Variants in COL4A3 observed in about 807,000 individuals in gnomAD.
COL4A3 encodes the protein collagen alpha-3(IV) chain.
In COL4A3, 135 loss-of-function variants were observed where a neutral mutation model predicts 217.4. The ratio of observed to expected loss-of-function variants is 0.62; its 90% CI spans 0.54 to 0.72. The LOEUF (loss-of-function observed/expected upper bound fraction) is 0.72. Among genes scored for constraint, COL4A3 ranks in the 30% least tolerant of loss-of-function variants. COL4A3 has a pLI of 0.00. For missense variants in COL4A3, 1,868 were observed against 2,119.9 expected (o/e 0.88, Z 2.33); for synonymous variants, 690 against 736.3 (o/e 0.94, Z 1.02).
intron 1 of COL4A3, among the ~76,000 whole-genome samples, chr2:227,170,621 T>C (rs1433855299): frequency 6.6e-6 from 1 of 151,962 alleles, no homozygotes; most frequent in Admixed American, 6.6e-5. Flanking sequence ...ATAGGAATTA[T>C]GGGAGCTACA....
intron 51 of COL4A3, among the ~76,000 whole-genome samples, chr2:227,311,380 C>CTTTT (rs11286889): frequency 8.5e-5 from 12 of 141,734 alleles, no homozygotes; most frequent in Non-Finnish European, 1.2e-4. Context: ...AATTTCTCTC[C>CTTTT]TTTTTTTTTT....
At position 227,253,974 on chromosome 2, in the gene COL4A3, A is replaced by T. The variant is rs923489088; in HGVS notation, c.766-138A>T. The T allele has an allele frequency of 2.4e-6, 2 of 816,852 alleles. No homozygotes were observed. The highest frequency in any genetic ancestry group is 3.4e-5 in the African/African-American group (2 of 59,320). The allele number at this position is 816,852 out of a possible 1,614,324, so 50.6% of individuals were successfully genotyped here. A position where few individuals can be genotyped will look rare whatever the true frequency, so the allele number is the denominator to read the frequency against. ...TTGAAATGTGAGAAATGGAAGGTGT[A>T]TTGGGTTGTGTTAACACGAGGCACA... On this transcript the variant is annotated intron_variant, in intron 13 of 51. Coordinates refer to ENST00000396578, the MANE Select transcript of COL4A3 (RefSeq NM_000091.5). This position sits in a 1 kb window ranked among gnomAD's most constrained non-coding sequence, Gnocchi z 4.4.
Position 227,312,213 on chromosome 2 carries a change from C to A in COL4A3, c.*343C>A. ...TATGAAATATTTGGCCCGCTGGATT[C>A]CCACATTTGTCTTCTTTCTGTCTTT... is the stretch of plus-strand genomic sequence containing the variant. On this transcript the variant is annotated 3_prime_UTR_variant, in exon 52 of 52. Coordinates refer to ENST00000396578, the MANE Select transcript of COL4A3 (RefSeq NM_000091.5). 1 of 287,552 alleles carries A rather than the reference C, an allele frequency of 3.5e-6. No homozygotes were observed. The highest frequency in any genetic ancestry group is 3.4e-5 in the South Asian group (1 of 29,624). The allele number at this position is 287,552 out of a possible 1,614,324, so 17.8% of individuals were successfully genotyped here.
chr2:227,207,620 T>A (rs112103000), intron 1 of COL4A3, among the ~76,000 whole-genome samples: 17,887 of 152,166 alleles, frequency 0.12, 1,199 homozygotes, highest in Non-Finnish European at 0.16. Flanking sequence ...GGGGCAGAAG[T>A]GACTAGTTAG....
At chr2:227,299,992 A>G (rs566655027) in intron 43 of COL4A3, among the ~76,000 whole-genome samples, 1 of 152,310 alleles carries the variant, frequency 6.6e-6, no homozygotes, top group South Asian at 2.1e-4. Context: ...AATGCCTGCC[A>G]ATGTTTCTAA....
intron 7 of COL4A3, 65 bp from the exon 8 acceptor site, chr2:227,247,493 C>T: frequency 6.7e-7 from 1 of 1,485,848 alleles, no homozygotes; most frequent in Non-Finnish European, 9.4e-7. Context: ...GAGGGCAGAG[C>T]AGACCGAGTA....
rs572434911 is a variant in COL4A3, at chr2:227,191,032, T to A, written c.87+26219T>A. On this transcript the variant is annotated intron_variant, in intron 1 of 51. Coordinates refer to ENST00000396578, the MANE Select transcript of COL4A3 (RefSeq NM_000091.5). This position sits in a 1 kb window ranked among gnomAD's most constrained non-coding sequence, Gnocchi z 6.8. The stretch of plus-strand genomic sequence containing the variant: ...CACTTCTATTATGTATAGAATTTTT[T>A]AAAAAATAGATGCAAAGGTTATTAT... Among the ~76,000 whole-genome samples, 80 of 152,302 alleles carry A rather than the reference T, an allele frequency of 5.3e-4. No individual in the cohort carries two copies. Among genetic ancestry groups the A allele is most frequent in the African/African-American group, 1.8e-3 (76 of 41,552 alleles).
At chr2:227,280,332 A>G (rs1207182350) in intron 29 of COL4A3, 108 bp from the exon 30 acceptor site, 4 of 1,235,838 alleles carry the variant, frequency 3.2e-6, no homozygotes, top group Non-Finnish European at 4.7e-6. Context: ...AAAGTTGATG[A>G]CATGGTAGTG....
chr2:227,179,698 C>A (rs1413506638), intron 1 of COL4A3, among the ~76,000 whole-genome samples: 1 of 152,166 alleles, frequency 6.6e-6, no homozygotes, highest in African/African-American at 2.4e-5. Flanking sequence ...CCATATCTTA[C>A]TATGTGAGGG....
chr2:227,168,049 A>G (rs115615043), intron 1 of COL4A3, among the ~76,000 whole-genome samples: 121 of 152,360 alleles, frequency 7.9e-4, no homozygotes, highest in Non-Finnish European at 1.5e-3. Flanking sequence ...TGGTACATAT[A>G]GATATGATGT....
intron 1 of COL4A3, among the ~76,000 whole-genome samples, chr2:227,167,165 C>G (rs926754762): frequency 6.6e-6 from 1 of 152,130 alleles, no homozygotes; most frequent in Non-Finnish European, 1.5e-5. Context: ...AACTTTGGAG[C>G]CATTATATTT....
chr2:227,225,746 C>T (rs1229522881), intron 1 of COL4A3, among the ~76,000 whole-genome samples: 2 of 143,224 alleles, frequency 1.4e-5, no homozygotes, highest in African/African-American at 2.6e-5. Flanking sequence ...AGATCTCACC[C>T]TGTCTCCCAG....
Position 227,312,867 on chromosome 2 carries a change from T to C in COL4A3, c.*997T>C, listed in dbSNP as rs990214773. 6.6e-6 allele frequency: 1 copy of C among 152,506 alleles called. No individual in the cohort carries two copies. The highest frequency in any genetic ancestry group is 6.6e-5 in the Admixed American group (1 of 15,266). 9.4% of individuals were successfully genotyped at this position (152,506 alleles called of 1,614,324 possible). ...ATCTATTTTCTCATTGCTCTGAATA[T>C]GTCATCACTCTAGGTTTTACAGATT... On this transcript the variant is annotated 3_prime_UTR_variant, in exon 52 of 52. Transcript: ENST00000396578.
intron 3 of COL4A3, among the ~76,000 whole-genome samples, chr2:227,241,939 C>T (rs1486071755): frequency 6.6e-6 from 1 of 152,124 alleles, no homozygotes; most frequent in Non-Finnish European, 1.5e-5. Flanking sequence ...TCCTGGGTCA[C>T]GCAGCTCACA....
At chr2:227,246,155 A>C (rs1255037008) in intron 6 of COL4A3, 139 bp downstream of exon 6, 2 of 728,016 alleles carry the variant, frequency 2.7e-6, no homozygotes, top group Non-Finnish European at 4.9e-6. Flanking sequence ...ATTTGGAGGC[A>C]GGAAACTTCC....
chr2:227,176,323 C>T (rs981037744), intron 1 of COL4A3, among the ~76,000 whole-genome samples: 2 of 152,076 alleles, frequency 1.3e-5, no homozygotes, highest in African/African-American at 4.8e-5. Flanking sequence ...TTCCACATAC[C>T]AGCGTCGGTA....
chr2:227,308,784 G>A, intron 48 of COL4A3, 115 bp from the exon 49 acceptor site: 1 of 1,102,170 alleles, frequency 9.1e-7, no homozygotes, highest in Non-Finnish European at 1.4e-6. Context: ...ACTCTTTTGT[G>A]TTGTCTTTGT....
intron 1 of COL4A3, among the ~76,000 whole-genome samples, chr2:227,233,390 A>G (rs1020700429): frequency 6.6e-6 from 1 of 152,158 alleles, no homozygotes; most frequent in Non-Finnish European, 1.5e-5. Context: ...GGTGTGATTT[A>G]GCAGGAATGA....
rs1274614417 is a variant in COL4A3, at chr2:227,269,891, A to G, written c.1505-19A>G. The stretch of plus-strand genomic sequence containing the variant: ...TTGGCGTTCAATGAGGAGTTAGTTA[A>G]TAATTCGTTGATTTGCAGGAAGACA... On this transcript the variant is annotated intron_variant, in intron 23 of 51. Coordinates refer to ENST00000396578, the MANE Select transcript of COL4A3 (RefSeq NM_000091.5). The G allele has an allele frequency of 6.2e-7, 1 of 1,612,244 alleles. No individual in the cohort carries two copies. Among genetic ancestry groups the G allele is most frequent in the Admixed American group, 1.7e-5 (1 of 60,004 alleles).
Sources: gnomAD v4.1 joint callset for allele counts (sites outside exome capture counted in the v4.1 genomes callset) on GRCh38, gnomAD v4.1.1 for gene constraint, Gnocchi (gnomAD v3.1) non-coding constraint, MANE v1.5 for transcripts, NCBI Gene and HGNC (gene_info 2026-07-23, HGNC 2026-07-21) for gene names.